ZFAT: variants seen among roughly 807,000 people sequenced by gnomAD.
ZFAT encodes the protein zinc finger protein ZFAT.
ZFAT carries 64 observed loss-of-function variants against 117.7 expected under a neutral mutation model. The observed-to-expected ratio is 0.54, with a 90% CI of 0.44 to 0.67. The LOEUF (loss-of-function observed/expected upper bound fraction) is 0.67, where lower values mean the gene tolerates loss of function less well. Among genes scored for constraint, ZFAT ranks in the 30% least tolerant of loss-of-function variants. ZFAT has a pLI of 0.00. For synonymous variants in ZFAT, 679 were observed against 615.0 expected (o/e 1.10, Z -1.54); for missense variants, 1,433 against 1,584.5 (o/e 0.90, Z 1.62).
At chr8:134,760,402 A>G in the ZFAT span, among the ~76,000 whole-genome samples, 1 of 152,108 alleles carries the variant, frequency 6.6e-6, no homozygotes, top group Admixed American at 6.6e-5. Flanking sequence ...GGTAAACACA[A>G]CAATTCTATT....
At chr8:134,684,306 A>G (rs1833211041) in intron 1 of ZFAT, among the ~76,000 whole-genome samples, 1 of 152,218 alleles carries the variant, frequency 6.6e-6, no homozygotes, top group African/African-American at 2.4e-5. Flanking sequence ...ACACAACAGG[A>G]ATTACATGTG....
chr8:134,542,323 C>T (rs955626795), intron 11 of ZFAT, among the ~76,000 whole-genome samples: 2 of 152,160 alleles, frequency 1.3e-5, no homozygotes, highest in Non-Finnish European at 2.9e-5. Flanking sequence ...TTATTTTAGG[C>T]TCAAAGGGTA....
intron 1 of ZFAT, among the ~76,000 whole-genome samples, chr8:134,693,539 T>C (rs1586960867): frequency 6.6e-6 from 1 of 151,982 alleles, no homozygotes; most frequent in Non-Finnish European, 1.5e-5. Flanking sequence ...GTAATAATCA[T>C]TTCACAATGC....
At chr8:134,516,422 G>A (rs1474672368) in intron 13 of ZFAT, among the ~76,000 whole-genome samples, 2 of 152,110 alleles carry the variant, frequency 1.3e-5, no homozygotes, top group Non-Finnish European at 1.5e-5. Context: ...TTGCAACATG[G>A]TAATATTCTA....
intron 1 of ZFAT, among the ~76,000 whole-genome samples, chr8:134,662,387 G>C (rs1046934880): frequency 6.6e-6 from 1 of 152,182 alleles, no homozygotes; most frequent in Non-Finnish European, 1.5e-5. Flanking sequence ...AGGCCCTTAG[G>C]GAGAAGGTGG....
At chr8:134,582,141 C>G (rs1333464898) in intron 10 of ZFAT, among the ~76,000 whole-genome samples, 1 of 152,220 alleles carries the variant, frequency 6.6e-6, no homozygotes, top group Non-Finnish European at 1.5e-5. Context: ...AGAATCATGA[C>G]AGAGAGGATA....
rs753134532 is a variant in ZFAT, at chr8:134,509,691, G to A, written c.3420C>T (p.Ala1140=). Residue 1140 remains alanine (A), a synonymous_variant, in exon 15 of 16, where the codon GCC becomes GCT. Coordinates refer to ENST00000377838, the MANE Select transcript of ZFAT (RefSeq NM_020863.4). ...NILQQIIELG[A]ETHDATALAS... is the part of the protein sequence containing the mutation. ...CAAGGGCAGTGGCGTCATGGGTCTCGGCGCCCAGCTCAATGATCTGCTGCA... is the reference window on the plus strand; with the variant it reads ...CAAGGGCAGTGGCGTCATGGGTCTCAGCGCCCAGCTCAATGATCTGCTGCA... 32 of 1,612,314 alleles carry A rather than the reference G, an allele frequency of 2.0e-5. No homozygotes were observed. The Admixed American group carries it at 2.5e-4, about 13-fold the overall frequency.
chr8:134,813,556 G>C, the ZFAT span, among the ~76,000 whole-genome samples: 3 of 152,196 alleles, frequency 2.0e-5, no homozygotes, highest in African/African-American at 7.2e-5. Flanking sequence ...AGGATTACAG[G>C]TGTGGGCCAC....
chr8:134,722,240 A>T, the ZFAT span, among the ~76,000 whole-genome samples: 6 of 152,218 alleles, frequency 3.9e-5, no homozygotes, highest in Non-Finnish European at 8.8e-5. Flanking sequence ...AGGGGTGGAG[A>T]GTCCCTGGGA....
chr8:134,522,406 C>A (rs1820729829), intron 12 of ZFAT, among the ~76,000 whole-genome samples: 1 of 152,242 alleles, frequency 6.6e-6, no homozygotes, highest in African/African-American at 2.4e-5. Flanking sequence ...TTCAGCACCA[C>A]CCATGGGGCT....
chr8:134,821,430 G>A, the ZFAT span, among the ~76,000 whole-genome samples: 1 of 152,048 alleles, frequency 6.6e-6, no homozygotes, highest in Non-Finnish European at 1.5e-5. Context: ...GACCACATCG[G>A]AAGTAGTCAG....
chr8:134,695,609 G>A (rs1364315231), intron 1 of ZFAT, among the ~76,000 whole-genome samples: 1 of 147,736 alleles, frequency 6.8e-6, no homozygotes, highest in Admixed American at 6.7e-5. Context: ...CTGCCCTCAG[G>A]CCCTGCCCGC....
chr8:134,681,938 C>T (rs2131300821), intron 1 of ZFAT, among the ~76,000 whole-genome samples: 1 of 152,282 alleles, frequency 6.6e-6, no homozygotes, highest in South Asian at 2.1e-4. Context: ...TTTATATATT[C>T]AGGAAGAGAC....
intron 15 of ZFAT, among the ~76,000 whole-genome samples, chr8:134,494,991 G>T (rs1420826946): frequency 1.3e-5 from 2 of 152,126 alleles, no homozygotes; most frequent in Non-Finnish European, 2.9e-5. Flanking sequence ...CTCAGAGTAG[G>T]AAGATCTACT....
chr8:134,610,768 CA>C, intron 3 of ZFAT, 113 bp from the exon 4 acceptor site: 1 of 1,197,294 alleles, frequency 8.4e-7, no homozygotes, highest in Non-Finnish European at 1.2e-6. Flanking sequence ...CTTTGGTCTG[CA>C]GTGCCACGCA....
chr8:134,802,908 A>C, the ZFAT span, among the ~76,000 whole-genome samples: 1 of 152,194 alleles, frequency 6.6e-6, no homozygotes, highest in Non-Finnish European at 1.5e-5. Flanking sequence ...GGCCAATGGG[A>C]AGTTAGTGGT....
At chr8:134,546,056 A>G (rs1822666574) in intron 11 of ZFAT, among the ~76,000 whole-genome samples, 3 of 152,230 alleles carry the variant, frequency 2.0e-5, no homozygotes, top group South Asian at 4.1e-4. Context: ...TATTACTAAC[A>G]TTAATAACAC....
chr8:134,480,230 G>A (rs529877668), intron 15 of ZFAT, among the ~76,000 whole-genome samples: 52 of 152,242 alleles, frequency 3.4e-4, no homozygotes, highest in South Asian at 2.5e-3. Flanking sequence ...CCAAAGTGCC[G>A]GGATTACAGG....
At chr8:134,517,114 T>C (rs1047738703) in intron 13 of ZFAT, among the ~76,000 whole-genome samples, 1 of 152,174 alleles carries the variant, frequency 6.6e-6, no homozygotes, top group African/African-American at 2.4e-5. Context: ...TGCAGTTTGT[T>C]TTGCCCTTAG....
Sources: gnomAD v4.1 joint callset for allele counts (sites outside exome capture counted in the v4.1 genomes callset) on GRCh38, gnomAD v4.1.1 for gene constraint, MANE v1.5 for transcripts, NCBI Gene and HGNC (gene_info 2026-07-23, HGNC 2026-07-21) for gene names.